Variants in LIMS2 observed in about 807,000 individuals in gnomAD.
The protein encoded by LIMS2 is LIM and senescent cell antigen-like-containing domain protein 2.
A neutral mutation model predicts 45.3 loss-of-function variants in LIMS2; 30 were observed. That is an observed-to-expected ratio of 0.66 (90% CI 0.50 to 0.90). LIMS2 has a LOEUF of 0.90. LIMS2 is among the 40% of genes least tolerant of loss of function. The probability of loss-of-function intolerance (pLI) is 0.00; values close to 1 mark genes in which losing one functional copy is unlikely to be tolerated. For missense variants in LIMS2, 485 were observed against 468.7 expected, an observed-to-expected ratio of 1.03 and a Z score of -0.32; for synonymous variants, 173 against 188.0, an observed-to-expected ratio of 0.92 and a Z score of 0.65.
chr2:127,642,661 G>T lies in LIMS2; in HGVS notation c.509+262C>A. On this transcript the variant is annotated intron_variant, in intron 5 of 9. Transcript: ENST00000355119. The surrounding 1 kb of genome is among the most constrained non-coding windows in gnomAD (Gnocchi z 5.3). ...TGCTCCATCTCAACCCTCGTCTGCA[G>T]TCTAGGGGTCCAGCCCACCCGCCTC... 1.9e-6 allele frequency: 1 copy of T among 513,526 alleles called. No homozygotes were observed. The highest frequency in any genetic ancestry group is 3.5e-6 in the Non-Finnish European group (1 of 285,930). 31.8% of individuals were successfully genotyped at this position (513,526 alleles called of 1,614,324 possible).
At position 127,657,508 on chromosome 2, in the gene LIMS2, G is replaced by T. The variant is rs774372976; in HGVS notation, c.66C>A (p.Phe22Leu). The change falls in exon 2 of 10, where the codon TTC becomes TTA. Residue 22 changes from phenylalanine (F) to leucine (L), a missense_variant. Physicochemically the swap from Phe to Leu is conservative, Grantham distance 22. Transcript: ENST00000355119. ...NAVCQRCQAR[F>L]SPAERIVNSN... ...TGTTGACAATGCGCTCGGCGGGGGAGAAGCGGGCCTGGCAGCGCTGGCACA... is the reference window on the plus strand; with the variant it reads ...TGTTGACAATGCGCTCGGCGGGGGATAAGCGGGCCTGGCAGCGCTGGCACA... 2 of 1,612,956 alleles carry T rather than the reference G, an allele frequency of 1.2e-6. No homozygotes were observed. Among genetic ancestry groups the T allele is most frequent in the Admixed American group, 3.3e-5 (2 of 59,956 alleles).
At chr2:127,651,371 CCTG>C (rs778988883) in intron 4 of LIMS2, 1 of 1,612,650 alleles carries the variant, frequency 6.2e-7, no homozygotes, top group Non-Finnish European at 8.5e-7. Flanking sequence ...TCACCTGCTA[CCTG>C]CTGATCATCC....
rs965589707 is a variant in LIMS2 at position 127,640,444 on chromosome 2, G to A, written c.754-126C>T. 1.3e-5 allele frequency: 14 copies of A among 1,042,876 alleles called. No individual in the cohort carries two copies. The Admixed American group carries it at 1.4e-4, about 11-fold the overall frequency. 64.6% of individuals were successfully genotyped at this position (1,042,876 alleles called of 1,614,324 possible). On this transcript the variant is annotated intron_variant, in intron 7 of 9. Coordinates refer to ENST00000355119, the MANE Select transcript of LIMS2 (RefSeq NM_001161403.3). ...CATCTCCCAGGCCCTGCCTCCCAGG[G>A]CCCAGCTGCAAGGCTGGGTTGAGGG...
intron 1 of LIMS2, among the ~76,000 whole-genome samples, chr2:127,660,501 G>C (rs559106709): frequency 6.6e-6 from 1 of 152,316 alleles, no homozygotes; most frequent in East Asian, 1.9e-4. Context: ...TCGAGGAACA[G>C]ATAATTCCGG....
rs943778670 is a variant in LIMS2, at chr2:127,642,789, G to T, written c.509+134C>A. 1.3e-5 allele frequency: 13 copies of T among 991,248 alleles called. No individual in the cohort carries two copies. The highest frequency in any genetic ancestry group is 1.9e-5 in the Non-Finnish European group (13 of 686,264). 61.4% of individuals were successfully genotyped at this position (991,248 alleles called of 1,614,324 possible). A position where few individuals can be genotyped will look rare whatever the true frequency, so the allele number is the denominator to read the frequency against. ...ACCTCTGCCCTGCAGCCTTGCTCTC[G>T]GGACCCCTCTGTCTGCCCACCCTGC... is the stretch of plus-strand genomic sequence containing the variant. On this transcript the variant is annotated intron_variant, in intron 5 of 9. Transcript: ENST00000355119. The surrounding 1 kb of genome is among the most constrained non-coding windows in gnomAD (Gnocchi z 5.3).
Position 127,667,580 on chromosome 2 carries a change from T to C in LIMS2, c.11+7434A>G, listed in dbSNP as rs1184038478. The stretch of plus-strand genomic sequence containing the variant: ...TGTAATATACCATATCAATAGAATA[T>C]AGGGAGGACACTCTATGACCATCTC... On this transcript the variant is annotated intron_variant, in intron 1 of 9. Coordinates refer to ENST00000355119, the MANE Select transcript of LIMS2 (RefSeq NM_001161403.3). This position sits in a 1 kb window ranked among gnomAD's most constrained non-coding sequence, Gnocchi z 4.1. Among the ~76,000 whole-genome samples, 1 of 152,196 alleles carries C rather than the reference T, an allele frequency of 6.6e-6. No homozygotes were observed. The highest frequency in any genetic ancestry group is 1.5e-5 in the Non-Finnish European group (1 of 68,040).
rs975750296 is a variant in LIMS2 at position 127,639,342 on chromosome 2, T to C, written c.965A>G (p.Lys322Arg). 6.2e-7 allele frequency: 1 copy of C among 1,613,810 alleles called. No homozygotes were observed. The highest frequency in any genetic ancestry group is 1.3e-5 in the African/African-American group (1 of 74,884). Residue 322 changes from lysine (K) to arginine (R), a missense_variant, in exon 10 of 10, where the codon AAG becomes AGG. Coordinates refer to ENST00000355119, the MANE Select transcript of LIMS2 (RefSeq NM_001161403.3). Reference sequence around the variant, plus strand: ...CTTGCGGGAGGTCAGCTCCGACAGCTTCTTCAGCCGCTTCTTCAGCTCCAG... The same window carrying C: ...CTTGCGGGAGGTCAGCTCCGACAGCCTCTTCAGCCGCTTCTTCAGCTCCAG... ...FPLELKKRLK[K>R]LSELTSRKAQ...
At chr2:127,654,341 A>G in intron 4 of LIMS2, 83 bp downstream of exon 4, 1 of 1,587,776 alleles carries the variant, frequency 6.3e-7, no homozygotes, top group South Asian at 1.1e-5. Context: ...GCCCTCAGCA[A>G]GTGGGTAGCA....
upstream of LIMS2, among the ~76,000 whole-genome samples, chr2:127,680,115 A>C (rs189646509): frequency 7.6e-4 from 115 of 152,274 alleles, 1 homozygote; most frequent in African/African-American, 2.6e-3. Flanking sequence ...TGCGAGACCA[A>C]AGTTAACTTG....
In LIMS2 at chr2:127,638,481, C is replaced by T. The variant is rs577574143; in HGVS notation, c.*800G>A. The T allele has an allele frequency of 2.5e-4, 38 of 151,398 alleles. 1 individual carries two copies. Among genetic ancestry groups the T allele is most frequent in the African/African-American group, 8.2e-4 (34 of 41,256 alleles). The allele number at this position is 151,398 out of a possible 1,614,324, so 9.4% of individuals were successfully genotyped here. ...TGAGCCCAACAAACAAACACCAGGT[C>T]TGCGCTGGCCGAAGACGAAGCGTCC... On this transcript the variant is annotated 3_prime_UTR_variant, in exon 10 of 10. Coordinates refer to ENST00000355119, the MANE Select transcript of LIMS2 (RefSeq NM_001161403.3).
intron 4 of LIMS2, among the ~76,000 whole-genome samples, chr2:127,648,589 G>A (rs1683253006): frequency 6.6e-6 from 1 of 152,140 alleles, no homozygotes; most frequent in South Asian, 2.1e-4. Flanking sequence ...AGCATCCTGA[G>A]ACAGCCCTGT....
intron 4 of LIMS2, chr2:127,651,328 C>T: frequency 6.2e-7 from 1 of 1,610,958 alleles, no homozygotes. Context: ...GTGTCCCTGG[C>T]AGTGGCCTTC....
chr2:127,676,800 CAG>C (rs1215141522), upstream of LIMS2, among the ~76,000 whole-genome samples: 1 of 152,198 alleles, frequency 6.6e-6, no homozygotes. Context: ...ATTACTGACA[CAG>C]AGGTGTAGGC....
In LIMS2 at chr2:127,647,338, C is replaced by T. The variant is rs943919214; in HGVS notation, c.360-4266G>A. ...CTGGCGGTCTTCCAGGGAGTGAGAC[C>T]GTTTCCCCGGTCTCACTTCCAGCTC... On this transcript the variant is annotated intron_variant, in intron 4 of 9. Transcript: ENST00000355119. The surrounding 1 kb of genome is among the most constrained non-coding windows in gnomAD (Gnocchi z 4.3). 2.0e-5 allele frequency among the ~76,000 whole-genome samples: 3 copies of T among 152,120 alleles called. No individual in the cohort carries two copies. The highest frequency in any genetic ancestry group is 2.9e-5 in the Non-Finnish European group (2 of 68,008).
At chr2:127,656,732 G>T (rs1684281791) in intron 2 of LIMS2, among the ~76,000 whole-genome samples, 1 of 152,168 alleles carries the variant, frequency 6.6e-6, no homozygotes, top group Non-Finnish European at 1.5e-5. Flanking sequence ...CTTTTCAAAT[G>T]TCAGCAGATA....
chr2:127,643,068 G>A lies in LIMS2; in HGVS notation c.364C>T (p.Leu122Phe). Reference sequence around the variant, plus strand: ...TCACGGTTGTGGCAAGGCCGGCAGAGATGCCTGCGGGAGGCGGGGGCATTA... The same window carrying A: ...TCACGGTTGTGGCAAGGCCGGCAGAAATGCCTGCGGGAGGCGGGGGCATTA... ...LGFVKNAGRH[L>F]CRPCHNREKA... Residue 122 changes from leucine to phenylalanine, a missense_variant, in exon 5 of 10, where the codon CTC becomes TTC. Physicochemically the swap from Leu to Phe is conservative, Grantham distance 22. Coordinates refer to ENST00000355119, the MANE Select transcript of LIMS2 (RefSeq NM_001161403.3). The A allele has an allele frequency of 6.3e-7, 1 of 1,576,742 alleles. No individual in the cohort carries two copies. The highest frequency in any genetic ancestry group is 2.3e-5 in the East Asian group (1 of 43,030).
At chr2:127,639,542 T>G in intron 9 of LIMS2, 114 bp from the exon 10 acceptor site, 30 of 1,323,094 alleles carry the variant, frequency 2.3e-5, no homozygotes, top group Non-Finnish European at 2.8e-5. Flanking sequence ...CAGCCTCTCC[T>G]AGCCAGCAGG....
intron 4 of LIMS2, chr2:127,651,977 G>C: frequency 3.4e-6 from 2 of 593,796 alleles, no homozygotes; most frequent in South Asian, 4.5e-5. Flanking sequence ...GGCTACAATG[G>C]CTCCTAGACA....
In LIMS2 at chr2:127,675,056, G is replaced by GGGTTGCCGC. The variant is rs1685446730; in HGVS notation, c.-41_-33dup. On this transcript the variant is annotated 5_prime_UTR_variant, in exon 1 of 10. Coordinates refer to ENST00000355119, the MANE Select transcript of LIMS2 (RefSeq NM_001161403.3). ...AGCGACGCCGAGCCCTGGGTTGCCG[G>GGGTTGCCGC]GGTTGCCGCGGGTCTCCCTCTGCTG... The GGGTTGCCGC allele has an allele frequency of 3.5e-6, 4 of 1,142,262 alleles. No individual in the cohort carries two copies. In the Admixed American group the frequency reaches 1.4e-4, roughly 39 times the overall value. The allele number at this position is 1,142,262 out of a possible 1,614,324, so 70.8% of individuals were successfully genotyped here.
Sources: gnomAD v4.1 joint callset for allele counts (sites outside exome capture counted in the v4.1 genomes callset) on GRCh38, gnomAD v4.1.1 for gene constraint, Gnocchi (gnomAD v3.1) non-coding constraint, MANE v1.5 for transcripts, NCBI Gene and HGNC (gene_info 2026-07-23, HGNC 2026-07-21) for gene names.